CFAP65: variants seen among roughly 807,000 people sequenced by gnomAD.
The protein encoded by CFAP65 is cilia and flagella associated protein 65, also known as cilia- and flagella-associated protein 65.
Under a neutral mutation model 208.0 loss-of-function variants are expected in CFAP65, and 155 were observed. The ratio of observed to expected loss-of-function variants is 0.75; its 90% CI spans 0.65 to 0.85. The LOEUF (loss-of-function observed/expected upper bound fraction) is 0.85. Among genes scored for constraint, CFAP65 ranks in the 40% least tolerant of loss-of-function variants. The pLI, the probability that CFAP65 is intolerant of heterozygous loss-of-function variation, is 0.00. For missense variants in CFAP65, 2,294 were observed against 2,451.3 expected (o/e 0.94, Z 1.36); for synonymous variants, 970 against 986.3 (o/e 0.98, Z 0.31).
intron 29 of CFAP65, among the ~76,000 whole-genome samples, 167 bp downstream of exon 29, chr2:219,008,880 C>T (rs754832052): frequency 5.3e-5 from 8 of 152,250 alleles, no homozygotes; most frequent in Non-Finnish European, 7.3e-5. Flanking sequence ...AGAGCCTCTC[C>T]GGATGGCTGT....
At chr2:219,011,111 T>C (rs1946446099) in intron 24 of CFAP65, 115 bp from the exon 25 acceptor site, 2 of 886,052 alleles carry the variant, frequency 2.3e-6, no homozygotes, top group Non-Finnish European at 3.4e-6. Context: ...TGTCACCCTT[T>C]GAGTCTGTGA....
intron 29 of CFAP65, 53 bp downstream of exon 29, chr2:219,008,994 G>A: frequency 1.3e-6 from 2 of 1,495,004 alleles, no homozygotes; most frequent in South Asian, 2.3e-5. Context: ...GTCCCCTCTG[G>A]TAAGGCCAGT....
chr2:219,032,918 G>A lies in CFAP65; in HGVS notation c.543-346C>T, dbSNP rs980435881. 6.6e-6 allele frequency among the ~76,000 whole-genome samples: 1 copy of A among 152,160 alleles called. No homozygotes were observed. Among genetic ancestry groups the A allele is most frequent in the Non-Finnish European group, 1.5e-5 (1 of 68,030 alleles). ...GAGGTGGGGGAACCAAGGCTGAGGA[G>A]GGTGGGACCGGGGATGCCTTTCCAG... On this transcript the variant is annotated intron_variant, in intron 5 of 34. Transcript: ENST00000341552. This position sits in a 1 kb window ranked among gnomAD's most constrained non-coding sequence, Gnocchi z 5.5.
chr2:219,023,348 C>A lies in CFAP65; in HGVS notation c.2679G>T (p.Val893=). 6.2e-7 allele frequency: 1 copy of A among 1,610,768 alleles called. No individual in the cohort carries two copies. The highest frequency in any genetic ancestry group is 8.5e-7 in the Non-Finnish European group (1 of 1,178,866). Residue 893 remains valine (V), a synonymous_variant, in exon 16 of 35, where the codon GTG becomes GTT. Coordinates refer to ENST00000341552, the MANE Select transcript of CFAP65 (RefSeq NM_194302.4). The part of the protein sequence containing the change: ...HKSLYFKPTW[V]GCSSTSPFTF... ...TGAAGGGGCTGGTGGAGGAGCAGCC[C>A]ACCCAGGTGGGCTTGAAGTAGAGGC...
chr2:219,026,749 C>T (rs1947658575), intron 13 of CFAP65: 1 of 981,158 alleles, frequency 1.0e-6, no homozygotes, highest in Non-Finnish European at 1.2e-6. Context: ...GTGTGGCTGT[C>T]AGTGGCTGTA....
Position 219,023,277 on chromosome 2 carries a change from A to T in CFAP65, c.2750T>A (p.Val917Asp). ...SRLPLQFEWR[V>D]SEQHRKLLAV... is the part of the protein sequence containing the mutation. ...CAGCAGCTTTCGATGCTGCTCAGAG[A>T]CCCTCCACTCGAACTGCAGGGGCAG... Residue 917 changes from valine (V) to aspartate (D), a missense_variant, in exon 16 of 35, where the codon GTC becomes GAC. Val to Asp is a radical substitution (Grantham distance 152). This residue lies in a region of CFAP65 where 1,427 missense variants were observed against 1,438.7 expected (regional missense o/e 0.99). Transcript: ENST00000341552. 6.2e-7 allele frequency: 1 copy of T among 1,612,854 alleles called. No individual in the cohort carries two copies. Among genetic ancestry groups the T allele is most frequent in the South Asian group, 1.1e-5 (1 of 90,836 alleles).
chr2:219,009,542 G>A lies in CFAP65; in HGVS notation c.4453-82C>T, dbSNP rs542494821. 7 of 921,158 alleles carry A rather than the reference G, an allele frequency of 7.6e-6. No individual in the cohort carries two copies. In the East Asian group the frequency reaches 1.7e-4, roughly 23 times the overall value. 57.1% of individuals were successfully genotyped at this position (921,158 alleles called of 1,614,324 possible). On this transcript the variant is annotated intron_variant, in intron 27 of 34. Coordinates refer to ENST00000341552, the MANE Select transcript of CFAP65 (RefSeq NM_194302.4). Reference sequence around the variant, plus strand: ...GGCACGGAATAGGATGGGATGAGATGGGACAGGATAAGATGAGATGAGACA... The same window carrying A: ...GGCACGGAATAGGATGGGATGAGATAGGACAGGATAAGATGAGATGAGACA...
chr2:219,027,488 TGGA>T, intron 13 of CFAP65, 159 bp downstream of exon 13: 1 of 1,581,730 alleles, frequency 6.3e-7, no homozygotes, highest in Non-Finnish European at 8.6e-7. Flanking sequence ...CCAGGAGCTT[TGGA>T]GGAGACAAAC....
rs1306858743 is a variant in CFAP65, at chr2:219,027,846, A to G, written c.2015T>C (p.Val672Ala). 1.3e-6 allele frequency: 2 copies of G among 1,593,480 alleles called. No homozygotes were observed. The highest frequency in any genetic ancestry group is 4.5e-5 in the East Asian group (2 of 44,626). ...ACPGPEAPNP[V>A]PLCLMNHTKG... ...GGTGTGGTTCATCAGGCACAGGGGT[A>G]CAGGGTTGGGGGCCTCAGGCCCTGG... The change falls in exon 13 of 35, where the codon GTA (valine) becomes GCA (alanine). Residue 672 changes from valine to alanine, a missense_variant. By Grantham distance (64) the Val-to-Ala change is moderately conservative. This residue lies in a region of CFAP65 where 867 missense variants were observed against 1,012.6 expected (regional missense o/e 0.86). Transcript: ENST00000341552.
intron 21 of CFAP65, among the ~76,000 whole-genome samples, chr2:219,017,615 G>A (rs893947609): frequency 6.6e-6 from 1 of 152,270 alleles, no homozygotes; most frequent in Non-Finnish European, 1.5e-5. Flanking sequence ...ATCTCCTGAT[G>A]GATGGGCCCG....
intron 23 of CFAP65, 62 bp downstream of exon 23, chr2:219,013,457 T>G (rs550758420): frequency 4.5e-6 from 7 of 1,556,500 alleles, no homozygotes; most frequent in Non-Finnish European, 6.1e-6. Context: ...TCCCTGCTCC[T>G]GTCCAGCCAG....
intron 11 of CFAP65, 34 bp from the exon 12 acceptor site, chr2:219,028,435 G>T: frequency 3.1e-6 from 5 of 1,591,048 alleles, no homozygotes; most frequent in South Asian, 2.2e-5. Flanking sequence ...TGGGGCATGG[G>T]AGGGGTGGTA....
chr2:219,008,864 A>T (rs186065360), intron 29 of CFAP65, among the ~76,000 whole-genome samples, 183 bp downstream of exon 29: 12 of 152,320 alleles, frequency 7.9e-5, no homozygotes, highest in African/African-American at 2.9e-4. Context: ...AGCCTTCTCT[A>T]CCCAGAGAGC....
chr2:219,009,131 C>G lies in CFAP65; in HGVS notation c.4590G>C (p.Arg1530Ser), dbSNP rs1946245207. 1.9e-6 allele frequency: 3 copies of G among 1,612,754 alleles called. No individual in the cohort carries two copies. Among genetic ancestry groups the G allele is most frequent in the Non-Finnish European group, 2.5e-6 (3 of 1,179,934 alleles). The change falls in exon 29 of 35, where the codon AGG (arginine) becomes AGC (serine). Residue 1530 changes from arginine (R) to serine (S), a missense_variant. Arg to Ser is a moderately radical substitution (Grantham distance 110, BLOSUM62 -1). Coordinates refer to ENST00000341552, the MANE Select transcript of CFAP65 (RefSeq NM_194302.4). ...ACTCCTGCAGCTCCTTGTGATACTG[C>G]CTCATGAGCTGCTGCGAGTACAGCT... is the stretch of plus-strand genomic sequence containing the variant. Reference protein sequence around the residue: ...VCKLYSQQLMRQYHKELQEWK... With the variant: ...VCKLYSQQLMSQYHKELQEWK...
In CFAP65 at chr2:219,027,748, C is replaced by A. The variant is rs149675019; in HGVS notation, c.2113G>T (p.Val705Leu). ...ATGGCCATGGACTTGAGTGGGGGCA[C>A]GTCGCAGCTCTCTGGAGTCACCCAG... The part of the protein sequence containing the change: ...PFWVTPESCD[V>L]PPLKSMAMRL... The change falls in exon 13 of 35, where the codon GTG becomes TTG. Residue 705 changes from valine (V) to leucine (L), a missense_variant. By Grantham distance (32) the Val-to-Leu change is conservative. This residue lies in a region of CFAP65 where 867 missense variants were observed against 1,012.6 expected (regional missense o/e 0.86). Transcript: ENST00000341552. 7.4e-6 allele frequency: 12 copies of A among 1,614,066 alleles called. No homozygotes were observed. Among genetic ancestry groups the A allele is most frequent in the African/African-American group, 1.3e-5 (1 of 75,028 alleles).
intron 16 of CFAP65, 128 bp from the exon 17 acceptor site, chr2:219,022,457 C>T: frequency 9.7e-7 from 1 of 1,032,774 alleles, no homozygotes. Flanking sequence ...CTATGCCAGG[C>T]ATTGTACACG....
intron 21 of CFAP65, 169 bp downstream of exon 21, chr2:219,018,882 G>C (rs558175398): frequency 1.0e-5 from 9 of 868,090 alleles, no homozygotes; most frequent in Admixed American, 4.5e-5. Context: ...CCGGAGTCCT[G>C]CTGGCAACCC....
chr2:219,018,917 C>CAGG, intron 21 of CFAP65, 134 bp downstream of exon 21: 2 of 1,242,486 alleles, frequency 1.6e-6, no homozygotes, highest in Non-Finnish European at 2.3e-6. Flanking sequence ...CCTCCACAGC[C>CAGG]GTCAATGTGA....
At position 219,004,496 on chromosome 2, in the gene CFAP65, C is replaced by G; in HGVS notation, c.5052-41G>C. 1.9e-6 allele frequency: 3 copies of G among 1,555,330 alleles called. No individual in the cohort carries two copies. The highest frequency in any genetic ancestry group is 1.4e-5 in the African/African-American group (1 of 73,004). ...AAGGAGAAGGCCCTTGCTGAGGGGC[C>G]CTGAAGCCCCTGGGGAGCCCTGGCT... On this transcript the variant is annotated intron_variant, in intron 32 of 34. Transcript: ENST00000341552. The surrounding 1 kb of genome is among the most constrained non-coding windows in gnomAD (Gnocchi z 4.7).
Sources: allele counts gnomAD v4.1 joint callset (sites outside exome capture counted in the v4.1 genomes callset), GRCh38; gene constraint gnomAD v4.1.1; regional missense constraint gnomAD v4.1.1; non-coding constraint Gnocchi (gnomAD v3.1); transcripts MANE v1.5; gene names NCBI Gene and HGNC (gene_info 2026-07-23, HGNC 2026-07-21).